The following STK3 variants were observed in gnomAD, a reference collection of about 807,000 sequenced individuals.
The protein encoded by STK3 is serine/threonine kinase 3, also known as serine/threonine-protein kinase 3.
Under a neutral mutation model 58.0 loss-of-function variants are expected in STK3, and 41 were observed. The ratio of observed to expected loss-of-function variants is 0.71; its 90% CI spans 0.55 to 0.92. The LOEUF is 0.92. Among genes scored for constraint, STK3 ranks in the 40% least tolerant of loss-of-function variants. The pLI, the probability that STK3 is intolerant of heterozygous loss-of-function variation, is 0.00. For synonymous variants in STK3, 170 were observed against 191.0 expected, an observed-to-expected ratio of 0.89 and a Z score of 0.91; for missense variants, 479 against 602.7, an observed-to-expected ratio of 0.79 and a Z score of 2.15.
chr8:98,698,045 T>C (rs1448872478), intron 6 of STK3, among the ~76,000 whole-genome samples: 1 of 152,222 alleles, frequency 6.6e-6, no homozygotes, highest in Non-Finnish European at 1.5e-5. Context: ...ATCTGGGTGC[T>C]CCTGTATTGG....
intron 6 of STK3, among the ~76,000 whole-genome samples, chr8:98,628,214 T>C (rs1818881987): frequency 6.6e-6 from 1 of 152,214 alleles, no homozygotes; most frequent in Non-Finnish European, 1.5e-5. Flanking sequence ...TTTTCCAGTT[T>C]ATACAAGCTA....
chr8:98,412,143 C>T (rs1022992003), intron 3 of STK3, among the ~76,000 whole-genome samples: 3 of 152,294 alleles, frequency 2.0e-5, no homozygotes, highest in Non-Finnish European at 4.4e-5. Context: ...GTGCTGCCTG[C>T]GATAGTAGCT....
At position 98,800,307 on chromosome 8, in the gene STK3, A is replaced by G. The variant is rs1308312872; in HGVS notation, c.26+25208T>C. Among the ~76,000 whole-genome samples the G allele has an allele frequency of 6.6e-6, 1 of 152,176 alleles. No individual in the cohort carries two copies. Among genetic ancestry groups the G allele is most frequent in the African/African-American group, 2.4e-5 (1 of 41,442 alleles). ...CCTAGAGAGCTCCCCTCTGGAGGAC[A>G]CTACAACTGCAGGGCCCCTTCAAAG... On this transcript the variant is annotated intron_variant, in intron 1 of 10. Transcript: ENST00000419617. The surrounding 1 kb of genome is among the most constrained non-coding windows in gnomAD (Gnocchi z 4.8).
chr8:98,510,484 T>G (rs1735093552), intron 10 of STK3, among the ~76,000 whole-genome samples: 1 of 151,898 alleles, frequency 6.6e-6, no homozygotes, highest in African/African-American at 2.4e-5. Context: ...TGTAAATAAA[T>G]CCTGACTAAT....
intron 1 of STK3, chr8:98,883,892 C>T: frequency 1.7e-6 from 1 of 580,120 alleles, no homozygotes; most frequent in Non-Finnish European, 3.1e-6. Flanking sequence ...GAGGGGCAGT[C>T]ACATACAAAT....
chr8:98,471,693 A>G (rs1820930993), intron 10 of STK3, among the ~76,000 whole-genome samples: 1 of 152,188 alleles, frequency 6.6e-6, no homozygotes, highest in Non-Finnish European at 1.5e-5. Flanking sequence ...AAGTGGAACC[A>G]TCATATACCT....
In STK3 at chr8:98,410,434, T is replaced by G. The variant is rs16896986; in HGVS notation, n.484-8921A>C. On this transcript the variant is annotated intron_variant and non_coding_transcript_variant, in intron 3 of 3. Transcript: ENST00000517832. ...GTCTGCCTTGCTCAAAGCTGTATTT[T>G]CATGAGCACACGGTAAGACCTTAAC... 3.5e-3 allele frequency among the ~76,000 whole-genome samples: 539 copies of G among 152,338 alleles called. 13 individuals carry two copies. The East Asian group carries it at 0.056, about 16-fold the overall frequency.
chr8:98,779,318 T>C (rs1831932961), intron 1 of STK3, among the ~76,000 whole-genome samples: 1 of 152,240 alleles, frequency 6.6e-6, no homozygotes, highest in Non-Finnish European at 1.5e-5. Context: ...TTCCACTGTA[T>C]TAATGTTATG....
chr8:98,477,198 C>T (rs543425991), intron 10 of STK3, among the ~76,000 whole-genome samples: 2 of 152,296 alleles, frequency 1.3e-5, no homozygotes, highest in South Asian at 2.1e-4. Context: ...ACTACTCTTT[C>T]GCCAAAAGAG....
chr8:98,792,936 T>C (rs1029861021), intron 1 of STK3, among the ~76,000 whole-genome samples: 6 of 151,402 alleles, frequency 4.0e-5, no homozygotes, highest in African/African-American at 9.8e-5. Context: ...ATTACATATG[T>C]GTGTACATAT....
chr8:98,697,577 CA>C, intron 6 of STK3, among the ~76,000 whole-genome samples: 1 of 152,278 alleles, frequency 6.6e-6, no homozygotes, highest in East Asian at 1.9e-4. Context: ...TCATTGGTTT[CA>C]AAGAACATCC....
the STK3 span, among the ~76,000 whole-genome samples, chr8:98,354,240 A>C: frequency 6.6e-6 from 1 of 152,232 alleles, no homozygotes; most frequent in Non-Finnish European, 1.5e-5. Flanking sequence ...AGTTGGAGCC[A>C]GGGTAATGGA....
chr8:98,652,324 G>A (rs1322693826), intron 6 of STK3, among the ~76,000 whole-genome samples: 5 of 152,102 alleles, frequency 3.3e-5, no homozygotes, highest in Non-Finnish European at 7.4e-5. Context: ...AAGAGCTCCT[G>A]AAGGAAGCAC....
Position 98,786,546 on chromosome 8 carries a change from G to C in STK3, c.27-11727C>G, listed in dbSNP as rs542852037. 6.6e-5 allele frequency among the ~76,000 whole-genome samples: 10 copies of C among 152,154 alleles called. 1 individual carries two copies. The highest frequency in any genetic ancestry group is 2.4e-4 in the African/African-American group (10 of 41,508). On this transcript the variant is annotated intron_variant, in intron 1 of 10. Coordinates refer to ENST00000419617, the MANE Select transcript of STK3 (RefSeq NM_006281.4). ...TGAACAAAAGGAAAAAAGAAGAAAG[G>C]AATGAAAGCTGATCTTTTGAACTAA... is the stretch of plus-strand genomic sequence containing the variant.
chr8:98,644,314 T>C (rs572431160), intron 6 of STK3, among the ~76,000 whole-genome samples: 1 of 152,208 alleles, frequency 6.6e-6, no homozygotes, highest in Non-Finnish European at 1.5e-5. Flanking sequence ...TATAGACACA[T>C]CTTTTAGCTC....
intron 10 of STK3, among the ~76,000 whole-genome samples, chr8:98,522,766 A>G (rs961969096): frequency 2.6e-5 from 4 of 152,156 alleles, no homozygotes; most frequent in Non-Finnish European, 5.9e-5. Flanking sequence ...TTTGACTATT[A>G]TAGGTAACTC....
intron 1 of STK3, among the ~76,000 whole-genome samples, chr8:98,926,146 A>T (rs1415646349): frequency 6.6e-6 from 1 of 152,174 alleles, no homozygotes; most frequent in Admixed American, 6.5e-5. Context: ...AAGCTGTTGG[A>T]AATGTGCCTT....
chr8:98,933,485 A>G (rs1333353169), intron 1 of STK3, among the ~76,000 whole-genome samples: 1 of 152,162 alleles, frequency 6.6e-6, no homozygotes, highest in East Asian at 1.9e-4. Context: ...TTTTCTTTTT[A>G]GCAGAGTGGG....
chr8:98,443,878 T>C (rs530678972), intron 1 of STK3, among the ~76,000 whole-genome samples: 1 of 152,312 alleles, frequency 6.6e-6, no homozygotes, highest in Non-Finnish European at 1.5e-5. Context: ...ACATGCATCA[T>C]AAGAAATCAA....
Sources: allele counts gnomAD v4.1 joint callset (sites outside exome capture counted in the v4.1 genomes callset), GRCh38; gene constraint gnomAD v4.1.1; non-coding constraint Gnocchi (gnomAD v3.1); transcripts MANE v1.5; gene names NCBI Gene and HGNC (gene_info 2026-07-23, HGNC 2026-07-21).